Variants in DPP6 observed in about 807,000 individuals in gnomAD.
DPP6 encodes the protein dipeptidyl peptidase like 6.
Under a neutral mutation model 122.6 loss-of-function variants are expected in DPP6, and 69 were observed. The ratio of observed to expected loss-of-function variants is 0.56; its 90% confidence interval spans 0.46 to 0.69. The LOEUF (loss-of-function observed/expected upper bound fraction) is 0.69. Among genes scored for constraint, DPP6 ranks in the 30% least tolerant of loss-of-function variants. The probability of loss-of-function intolerance (pLI) is 0.00; values close to 1 mark genes in which losing one functional copy is unlikely to be tolerated. For synonymous variants in DPP6, 418 were observed against 433.1 expected (o/e 0.97, Z 0.43); for missense variants, 928 against 1,116.9 (o/e 0.83, Z 2.41).
intron 1 of DPP6, among the ~76,000 whole-genome samples, chr7:154,183,013 T>G (rs1798171549): frequency 6.6e-6 from 1 of 152,128 alleles, no homozygotes; most frequent in African/African-American, 2.4e-5. Context: ...CTCTTCATGA[T>G]TGAGATGAGA....
chr7:154,470,897 G>GAA (rs755582928), intron 2 of DPP6, among the ~76,000 whole-genome samples: 1 of 152,184 alleles, frequency 6.6e-6, no homozygotes, highest in Non-Finnish European at 1.5e-5. Context: ...ATTGAGCACA[G>GAA]AAATGTTCCT....
rs547062892 is a variant in DPP6 at position 154,133,900 on chromosome 7, C to T, written c.243+80837C>T. 7.3e-3 allele frequency among the ~76,000 whole-genome samples: 1,111 copies of T among 151,240 alleles called. 5 individuals are homozygous for T. Among genetic ancestry groups the T allele is most frequent in the Non-Finnish European group, 8.9e-3 (602 of 67,800 alleles). ...GTGAGTCTCTCACAGGCTGCATCCA[C>T]GCCCCCCATGGCCTCTGCTAATGAG... On this transcript the variant is annotated intron_variant, in intron 1 of 25. Coordinates refer to ENST00000377770, the MANE Select transcript of DPP6 (RefSeq NM_130797.4).
chr7:154,534,908 A>C (rs771334822), intron 3 of DPP6, among the ~76,000 whole-genome samples: 2 of 152,138 alleles, frequency 1.3e-5, no homozygotes, highest in South Asian at 2.1e-4. Context: ...ACTATCCAAC[A>C]CAATTTTGAA....
At chr7:154,058,575 C>G (rs556315336) in intron 1 of DPP6, 1 of 150,214 alleles carries the variant, frequency 6.7e-6, no homozygotes, top group Admixed American at 6.6e-5. Flanking sequence ...GGACGCACCC[C>G]CCGCGAGGCG....
intron 1 of DPP6, among the ~76,000 whole-genome samples, chr7:154,259,935 A>G (rs1238326482): frequency 6.6e-6 from 1 of 152,200 alleles, no homozygotes; most frequent in Non-Finnish European, 1.5e-5. Context: ...GAGCTCAAAA[A>G]GCAGCCAGGG....
chr7:153,800,488 A>C, the DPP6 span, among the ~76,000 whole-genome samples: 1 of 152,184 alleles, frequency 6.6e-6, no homozygotes, highest in Admixed American at 6.5e-5. Flanking sequence ...GAGGGACTAC[A>C]TTCTAATGTT....
At position 154,821,516 on chromosome 7, in the gene DPP6, T is replaced by C. The variant is rs1406838702; in HGVS notation, c.1666+14404T>C. Among the ~76,000 whole-genome samples the C allele has an allele frequency of 6.6e-5, 10 of 151,592 alleles. No individual in the cohort carries two copies. Among genetic ancestry groups the C allele is most frequent in the Non-Finnish European group, 8.8e-5 (6 of 67,962 alleles). ...ATACAATCTGGCCACATCCTACTTA[T>C]CCAGCCTCGTAATGACACTACTCCT... On this transcript the variant is annotated intron_variant, in intron 16 of 25. Coordinates refer to ENST00000377770, the MANE Select transcript of DPP6 (RefSeq NM_130797.4). This position sits in a 1 kb window ranked among gnomAD's most constrained non-coding sequence, Gnocchi z 4.2.
chr7:154,022,953 T>C (rs112205109), intron 1 of DPP6, among the ~76,000 whole-genome samples: 3 of 152,234 alleles, frequency 2.0e-5, no homozygotes, highest in African/African-American at 7.2e-5. Context: ...TTTCTTAACT[T>C]CTAATCCAAG....
rs3115130 is a variant in DPP6 at position 154,139,954 on chromosome 7, C to G, written c.243+86891C>G. On this transcript the variant is annotated intron_variant, in intron 1 of 25. Coordinates refer to ENST00000377770, the MANE Select transcript of DPP6 (RefSeq NM_130797.4). ...AACAGATAAAGATTCCTTCTCTTGA[C>G]TTCTAGCGGCAAGCAGTGACAAAGT... Among the ~76,000 whole-genome samples the G allele has an allele frequency of 3.6e-3, 543 of 151,658 alleles. 6 individuals carry two copies. The highest frequency in any genetic ancestry group is 0.012 in the African/African-American group (472 of 40,988).
At chr7:154,750,511 T>C (rs188217616) in intron 8 of DPP6, among the ~76,000 whole-genome samples, 12 of 152,196 alleles carry the variant, frequency 7.9e-5, no homozygotes, top group African/African-American at 2.9e-4. Flanking sequence ...AAACACTCTT[T>C]TCTCCTCCCA....
At chr7:154,061,165 T>G (rs1472596079) in intron 1 of DPP6, among the ~76,000 whole-genome samples, 1 of 148,528 alleles carries the variant, frequency 6.7e-6, no homozygotes, top group African/African-American at 2.5e-5. Flanking sequence ...GCTGTGGGGT[T>G]TTGTAGACTG....
At chr7:154,343,902 G>A (rs961458426) in intron 1 of DPP6, among the ~76,000 whole-genome samples, 4 of 152,156 alleles carry the variant, frequency 2.6e-5, no homozygotes, top group African/African-American at 9.7e-5. Context: ...TATTAGTAGA[G>A]ACGGGGTTTC....
At chr7:153,845,580 T>G in the DPP6 span, among the ~76,000 whole-genome samples, 116 of 152,164 alleles carry the variant, frequency 7.6e-4, no homozygotes, top group African/African-American at 2.6e-3. Flanking sequence ...TATTTAACCA[T>G]GACTGTAATT....
intron 5 of DPP6, among the ~76,000 whole-genome samples, chr7:154,593,816 C>T (rs1306703768): frequency 6.6e-6 from 1 of 152,158 alleles, no homozygotes; most frequent in African/African-American, 2.4e-5. Flanking sequence ...AGTCAGAGAC[C>T]CAAGTCATAC....
At chr7:154,814,231 A>G (rs539610587) in intron 16 of DPP6, among the ~76,000 whole-genome samples, 3 of 152,186 alleles carry the variant, frequency 2.0e-5, no homozygotes, top group Admixed American at 2.0e-4. Context: ...CTATGTTCCC[A>G]TTTCTGATTC....
chr7:154,832,332 G>C lies in DPP6; in HGVS notation c.1667-21448G>C, dbSNP rs992332231. Among the ~76,000 whole-genome samples, 8 of 152,174 alleles carry C rather than the reference G, an allele frequency of 5.3e-5. No homozygotes were observed. The East Asian group carries it at 1.3e-3, about 26-fold the overall frequency. ...GACCCAAGGAATTCCACATCCATGT[G>C]CCAGGGACTTTGTTGGAACCAACGA... On this transcript the variant is annotated intron_variant, in intron 16 of 25. Coordinates refer to ENST00000377770, the MANE Select transcript of DPP6 (RefSeq NM_130797.4).
chr7:154,821,618 T>TATA lies in DPP6; in HGVS notation c.1666+14506_1666+14507insATA, dbSNP rs1491219054. 1.1e-4 allele frequency among the ~76,000 whole-genome samples: 1 copy of TATA among 9,238 alleles called. No homozygotes were observed. The highest frequency in any genetic ancestry group is 3.7e-4 in the Non-Finnish European group (1 of 2,732). The allele number at this position is 9,238 out of a possible 152,430, so 6.1% of individuals were successfully genotyped here. On this transcript the variant is annotated intron_variant, in intron 16 of 25. Transcript: ENST00000377770. This position sits in a 1 kb window ranked among gnomAD's most constrained non-coding sequence, Gnocchi z 4.2. Reference sequence around the variant, plus strand: ...TGTTAAGTGAATATATATATATATATTTTTTTTCTGTATATATATATATAT... The same window carrying TATA: ...TGTTAAGTGAATATATATATATATATATATTTTTTTCTGTATATATATATATAT...
intron 1 of DPP6, among the ~76,000 whole-genome samples, chr7:154,358,794 C>T (rs1027034046): frequency 6.6e-6 from 1 of 152,178 alleles, no homozygotes; most frequent in Non-Finnish European, 1.5e-5. Context: ...CAACCTCTGC[C>T]TCCCAGGTTC....
intron 4 of DPP6, among the ~76,000 whole-genome samples, chr7:154,545,470 CCCTT>C (rs772501516): frequency 0.047 from 5,814 of 124,218 alleles, 169 homozygotes; most frequent in East Asian, 0.11. Flanking sequence ...CTCCCTCCCT[CCCTT>C]CCTTCCTTCC....
Sources: allele counts gnomAD v4.1 joint callset (sites outside exome capture counted in the v4.1 genomes callset), GRCh38; gene constraint gnomAD v4.1.1; non-coding constraint Gnocchi (gnomAD v3.1); transcripts MANE v1.5; gene names NCBI Gene and HGNC (gene_info 2026-07-23, HGNC 2026-07-21).